ETS1: variants seen among roughly 807,000 people sequenced by gnomAD.
ETS1 encodes ETS proto-oncogene 1, transcription factor, also known as protein C-ets-1.
In ETS1, 15 loss-of-function variants were observed where a neutral mutation model predicts 58.6. The observed-to-expected ratio is 0.26, with a 90% CI of 0.17 to 0.39. The LOEUF is 0.39. Ranked by LOEUF, ETS1 falls within the 10% of genes least tolerant of loss-of-function variation. ETS1 has a pLI of 1.00. For synonymous variants in ETS1, 214 were observed against 218.2 expected (o/e 0.98, Z 0.17); for missense variants, 417 against 610.5 (o/e 0.68, Z 3.34).
intron 2 of ETS1, 97 bp from the exon 3 acceptor site, chr11:128,556,532 G>GT: frequency 1.3e-6 from 1 of 781,336 alleles, no homozygotes; most frequent in South Asian, 2.1e-5. Context: ...TCACATGTAA[G>GT]TAAGAATCAT....
At chr11:128,530,075 C>T (rs1181714197) in intron 3 of ETS1, 8 of 152,090 alleles carry the variant, frequency 5.3e-5, no homozygotes, top group Non-Finnish European at 1.5e-5. Flanking sequence ...TCAAGCATGC[C>T]AATGATGTAA....
chr11:128,575,487 G>GTAAA (rs1864727301), intron 1 of ETS1, among the ~76,000 whole-genome samples: 1 of 152,146 alleles, frequency 6.6e-6, no homozygotes, highest in Non-Finnish European at 1.5e-5. Flanking sequence ...TATTCATTTG[G>GTAAA]TAAATAATCA....
intron 8 of ETS1, among the ~76,000 whole-genome samples, chr11:128,466,186 C>T (rs1591588583): frequency 6.6e-6 from 1 of 152,234 alleles, no homozygotes; most frequent in East Asian, 1.9e-4. Context: ...GAGATATTTC[C>T]AGCATCCTCT....
chr11:128,552,005 C>T (rs1339670632), intron 3 of ETS1, among the ~76,000 whole-genome samples: 1 of 152,070 alleles, frequency 6.6e-6, no homozygotes, highest in Non-Finnish European at 1.5e-5. Flanking sequence ...TCTTAACAAA[C>T]CCTAAAGTGA....
At chr11:128,544,340 A>AATATATATATATATATAT (rs10542616) in intron 3 of ETS1, among the ~76,000 whole-genome samples, 1,946 of 116,556 alleles carry the variant, frequency 0.017, 64 homozygotes, top group Non-Finnish European at 0.02. Flanking sequence ...ATTGTTTACT[A>AATATATATATATATATAT]ATATATATAT....
chr11:128,504,770 A>G (rs531317389), intron 3 of ETS1, among the ~76,000 whole-genome samples: 1 of 152,158 alleles, frequency 6.6e-6, no homozygotes, highest in Admixed American at 6.5e-5. Context: ...CTATATCTTC[A>G]CTACTATCAA....
At chr11:128,510,534 C>A (rs558596507) in intron 3 of ETS1, among the ~76,000 whole-genome samples, 1 of 152,286 alleles carries the variant, frequency 6.6e-6, no homozygotes, top group African/African-American at 2.4e-5. Context: ...ACTATTGGTA[C>A]ATGGAGGGCA....
chr11:128,514,115 C>T (rs975219185), intron 3 of ETS1, among the ~76,000 whole-genome samples: 3 of 152,076 alleles, frequency 2.0e-5, no homozygotes, highest in Non-Finnish European at 4.4e-5. Context: ...TGTGCCTGAC[C>T]GAGGTTATTT....
At chr11:128,497,043 C>A (rs1862962592) in intron 3 of ETS1, among the ~76,000 whole-genome samples, 1 of 152,158 alleles carries the variant, frequency 6.6e-6, no homozygotes, top group Non-Finnish European at 1.5e-5. Flanking sequence ...CACTATGAGA[C>A]CTGGAAGAGA....
chr11:128,553,793 C>T (rs1288815125), intron 3 of ETS1, among the ~76,000 whole-genome samples: 1 of 152,020 alleles, frequency 6.6e-6, no homozygotes, highest in East Asian at 1.9e-4. Context: ...TGTCAGTGTT[C>T]TCTGCACTGA....
At chr11:128,513,575 T>G (rs745337579) in intron 3 of ETS1, among the ~76,000 whole-genome samples, 45 of 151,948 alleles carry the variant, frequency 3.0e-4, no homozygotes, top group Non-Finnish European at 5.7e-4. Context: ...CATTGCATTC[T>G]GTGCATTTAT....
rs547997527 is a variant in ETS1 at position 128,484,314 on chromosome 11, A to C, written c.862+509T>G. 2.6e-5 allele frequency among the ~76,000 whole-genome samples: 4 copies of C among 152,216 alleles called. No homozygotes were observed. The East Asian group carries it at 7.7e-4, about 29-fold the overall frequency. ...TTGGTTAACCATCTTGTATCTTCCC[A>C]AACCGAAAAAGTCACAGGAGGCTAA... On this transcript the variant is annotated intron_variant, in intron 7 of 9. Transcript: ENST00000392668.
chr11:128,463,738 G>A lies in ETS1; in HGVS notation c.1124-111C>T, dbSNP rs890920961. 46 of 703,534 alleles carry A rather than the reference G, an allele frequency of 6.5e-5. No homozygotes were observed. Among genetic ancestry groups the A allele is most frequent in the Non-Finnish European group, 1.0e-4 (39 of 384,976 alleles). The allele number at this position is 703,534 out of a possible 1,614,324, so 43.6% of individuals were successfully genotyped here. A position where few individuals can be genotyped will look rare whatever the true frequency, so the allele number is the denominator to read the frequency against. On this transcript the variant is annotated intron_variant, in intron 8 of 9. Coordinates refer to ENST00000392668, the MANE Select transcript of ETS1 (RefSeq NM_001143820.2). The surrounding 1 kb of genome is among the most constrained non-coding windows in gnomAD (Gnocchi z 4.1). ...CTCTTCTCTCAGCCCATCCAGCCAG[G>A]AGAAAATGAAGGCAACAGACAGTGC...
chr11:128,490,037 G>A (rs1862753460), intron 4 of ETS1, among the ~76,000 whole-genome samples: 1 of 152,204 alleles, frequency 6.6e-6, no homozygotes. Context: ...CAGATACTCT[G>A]CAAAGTCTGT....
chr11:128,502,766 TA>T (rs1282299861), intron 3 of ETS1, among the ~76,000 whole-genome samples: 7 of 152,180 alleles, frequency 4.6e-5, no homozygotes, highest in Non-Finnish European at 1.0e-4. Context: ...ACAGCCTTAC[TA>T]AAAAGAGCCA....
intron 8 of ETS1, among the ~76,000 whole-genome samples, chr11:128,479,954 C>G (rs1422427531): frequency 1.3e-5 from 2 of 151,806 alleles, no homozygotes; most frequent in Admixed American, 1.3e-4. Context: ...AAGTTTCCTA[C>G]CATTCTTGGA....
rs920835951 is a variant in ETS1, at chr11:128,506,486, G to A, written c.215-15910C>T. On this transcript the variant is annotated intron_variant, in intron 3 of 9. Transcript: ENST00000392668. ...TGAGTGCTGGGATCACGGCTGAAGC[G>A]GAAGGTTTTGCAATGCAGAGTGAGT... is the stretch of plus-strand genomic sequence containing the variant. 2.0e-5 allele frequency among the ~76,000 whole-genome samples: 3 copies of A among 152,148 alleles called. No individual in the cohort carries two copies. The East Asian group carries it at 5.8e-4, about 29-fold the overall frequency.
chr11:128,529,200 G>A (rs904239872), intron 3 of ETS1: 1 of 152,212 alleles, frequency 6.6e-6, no homozygotes, highest in Non-Finnish European at 1.5e-5. Context: ...TTTATGGTGA[G>A]CCAGGGTGCT....
chr11:128,513,089 A>G lies in ETS1; in HGVS notation c.215-22513T>C, dbSNP rs576233809. Among the ~76,000 whole-genome samples the G allele has an allele frequency of 6.6e-5, 10 of 152,298 alleles. No homozygotes were observed. In the East Asian group the frequency reaches 1.7e-3, roughly 26 times the overall value. ...AAGACAACATGCCTCCATTTCCCCAATGGTGAGCTAGGCTGGCAACAATTT... is the reference window on the plus strand; with the variant it reads ...AAGACAACATGCCTCCATTTCCCCAGTGGTGAGCTAGGCTGGCAACAATTT... On this transcript the variant is annotated intron_variant, in intron 3 of 9. Transcript: ENST00000392668.
Sources: gnomAD v4.1 joint callset for allele counts (sites outside exome capture counted in the v4.1 genomes callset) on GRCh38, gnomAD v4.1.1 for gene constraint, Gnocchi (gnomAD v3.1) non-coding constraint, MANE v1.5 for transcripts, NCBI Gene and HGNC (gene_info 2026-07-23, HGNC 2026-07-21) for gene names.